MCF2L2: variants seen among roughly 807,000 people sequenced by gnomAD.
The protein encoded by MCF2L2 is probable guanine nucleotide exchange factor MCF2L2.
In MCF2L2, 102 loss-of-function variants were observed where a neutral mutation model predicts 150.2. That is an observed-to-expected ratio of 0.68 (90% CI 0.58 to 0.80). MCF2L2 has a LOEUF of 0.80. Among genes scored for constraint, MCF2L2 ranks in the 30% least tolerant of loss-of-function variants. The probability of loss-of-function intolerance (pLI) is 0.00; values close to 1 mark genes in which losing one functional copy is unlikely to be tolerated. For synonymous variants in MCF2L2, 465 were observed against 491.3 expected, an observed-to-expected ratio of 0.95 and a Z score of 0.71; for missense variants, 1,256 against 1,372.8, an observed-to-expected ratio of 0.91 and a Z score of 1.34.
intron 15 of MCF2L2, chr3:183,271,610 C>G (rs1233584837): frequency 6.0e-6 from 1 of 166,862 alleles, no homozygotes; most frequent in African/African-American, 2.4e-5. Flanking sequence ...TGCCCTAATA[C>G]TTTATATGTT....
intron 1 of MCF2L2, among the ~76,000 whole-genome samples, chr3:183,415,954 T>C (rs1715565725): frequency 6.6e-6 from 1 of 152,150 alleles, no homozygotes; most frequent in Non-Finnish European, 1.5e-5. Context: ...TTTCATTTAC[T>C]GCTTTCTTTT....
rs201936033 is a variant in MCF2L2, at chr3:183,206,085, G to A, written c.2805+37C>T. Reference sequence around the variant, plus strand: ...AAGTCATGGGAACACAATAAGGAAAGAGTAGAGGAGACCCATGGGGAAGGC... The same window carrying A: ...AAGTCATGGGAACACAATAAGGAAAAAGTAGAGGAGACCCATGGGGAAGGC... On this transcript the variant is annotated intron_variant, in intron 24 of 29. Transcript: ENST00000328913. 245 of 1,583,910 alleles carry A rather than the reference G, an allele frequency of 1.5e-4. 1 individual carries two copies. The African/African-American group carries it at 2.9e-3, about 19-fold the overall frequency.
chr3:183,293,637 C>T (rs1728294226), intron 13 of MCF2L2, among the ~76,000 whole-genome samples: 1 of 152,128 alleles, frequency 6.6e-6, no homozygotes. Flanking sequence ...AAAGATGAAA[C>T]TTGAACTCTT....
chr3:183,264,351 G>A (rs924611058), intron 15 of MCF2L2, among the ~76,000 whole-genome samples: 1 of 152,176 alleles, frequency 6.6e-6, no homozygotes, highest in East Asian at 1.9e-4. Flanking sequence ...TAGTCCCAGA[G>A]ACTTCCCTCT....
Position 183,199,611 on chromosome 3 carries a change from T to A in MCF2L2, c.2885-4356A>T, listed in dbSNP as rs188410933. ...AAAATTTATTTTCAGAATATCGAAA[T>A]TTTTTTTTCCTTTTTTTTTTTTTTA... On this transcript the variant is annotated intron_variant, in intron 25 of 29. Transcript: ENST00000328913. Among the ~76,000 whole-genome samples, 209 of 149,990 alleles carry A rather than the reference T, an allele frequency of 1.4e-3. 1 individual carries two copies. The highest frequency in any genetic ancestry group is 5.1e-3 in the African/African-American group (204 of 39,858).
rs73060067 is a variant in MCF2L2, at chr3:183,192,540, C to T, written c.3016+459G>A. Reference sequence around the variant, plus strand: ...GATGGCTATAAGTGACTAAGGCTGGCGGGGTGGGGAGCACAGACAGCAGGG... The same window carrying T: ...GATGGCTATAAGTGACTAAGGCTGGTGGGGTGGGGAGCACAGACAGCAGGG... On this transcript the variant is annotated intron_variant, in intron 27 of 29. Coordinates refer to ENST00000328913, the MANE Select transcript of MCF2L2 (RefSeq NM_015078.4). 793 of 154,156 alleles carry T rather than the reference C, an allele frequency of 5.1e-3. 8 individuals carry two copies. Among genetic ancestry groups the T allele is most frequent in the African/African-American group, 0.018 (749 of 41,610 alleles). The allele number at this position is 154,156 out of a possible 1,614,324, so 9.5% of individuals were successfully genotyped here. A position where few individuals can be genotyped will look rare whatever the true frequency, so the allele number is the denominator to read the frequency against.
chr3:183,184,418 T>C (rs1721627833), intron 27 of MCF2L2, among the ~76,000 whole-genome samples: 1 of 152,172 alleles, frequency 6.6e-6, no homozygotes, highest in Non-Finnish European at 1.5e-5. Flanking sequence ...AGATACACCC[T>C]GAGTCTCTGG....
Position 183,178,202 on chromosome 3 carries a change from C to CA in MCF2L2, c.*1177dup, listed in dbSNP as rs1404507387. ...TAAATTCCGGCTGGGCGCGGTGGCT[C>CA]ACGCCTGTAATCCCAGCACTTTGGG... On this transcript the variant is annotated 3_prime_UTR_variant, in exon 30 of 30. Coordinates refer to ENST00000328913, the MANE Select transcript of MCF2L2 (RefSeq NM_015078.4). 6.6e-6 allele frequency: 1 copy of CA among 152,242 alleles called. No homozygotes were observed. Among genetic ancestry groups the CA allele is most frequent in the Non-Finnish European group, 1.5e-5 (1 of 68,058 alleles). The allele number at this position is 152,242 out of a possible 1,614,324, so 9.4% of individuals were successfully genotyped here. A position where few individuals can be genotyped will look rare whatever the true frequency, so the allele number is the denominator to read the frequency against.
intron 5 of MCF2L2, among the ~76,000 whole-genome samples, chr3:183,335,136 G>T (rs1282354172): frequency 6.8e-6 from 1 of 147,514 alleles, no homozygotes; most frequent in Non-Finnish European, 1.5e-5. Flanking sequence ...AAAAGAAAAA[G>T]AAAAAAGACA....
Position 183,329,958 on chromosome 3 carries a change from G to A in MCF2L2, c.487-6607C>T, listed in dbSNP as rs1174424404. Among the ~76,000 whole-genome samples the A allele has an allele frequency of 4.6e-5, 7 of 152,072 alleles. 1 individual carries two copies. Among genetic ancestry groups the A allele is most frequent in the African/African-American group, 9.7e-5 (4 of 41,404 alleles). ...CACATCTAAACACAGAAAAGGGGCC[G>A]GGGCAGTGGCTCACATATGTAATCC... On this transcript the variant is annotated intron_variant, in intron 5 of 29. Transcript: ENST00000328913.
At chr3:183,330,694 TTTC>T (rs1730237528) in intron 5 of MCF2L2, among the ~76,000 whole-genome samples, 1 of 152,222 alleles carries the variant, frequency 6.6e-6, no homozygotes, top group Admixed American at 6.5e-5. Context: ...CCACATTTTT[TTTC>T]TTCTTTTAAT....
In MCF2L2 at chr3:183,202,880, T is replaced by C. The variant is rs190666404; in HGVS notation, c.2884+2996A>G. Among the ~76,000 whole-genome samples, 26 of 152,194 alleles carry C rather than the reference T, an allele frequency of 1.7e-4. No individual in the cohort carries two copies. In the East Asian group the frequency reaches 5.0e-3, roughly 29 times the overall value. On this transcript the variant is annotated intron_variant, in intron 25 of 29. Coordinates refer to ENST00000328913, the MANE Select transcript of MCF2L2 (RefSeq NM_015078.4). Reference sequence around the variant, plus strand: ...CATGTAAAGAAATAAGAAAATGCAGTCCATACCCAGGGAAAAAGAAAAACC... The same window carrying C: ...CATGTAAAGAAATAAGAAAATGCAGCCCATACCCAGGGAAAAAGAAAAACC...
chr3:183,211,390 C>T (rs1722717069), intron 22 of MCF2L2, among the ~76,000 whole-genome samples: 1 of 152,192 alleles, frequency 6.6e-6, no homozygotes, highest in Non-Finnish European at 1.5e-5. Flanking sequence ...TCAAGTCTGG[C>T]AGAAACATAT....
intron 14 of MCF2L2, among the ~76,000 whole-genome samples, chr3:183,282,748 T>C (rs1210315721): frequency 1.3e-5 from 2 of 152,152 alleles, no homozygotes; most frequent in Non-Finnish European, 2.9e-5. Flanking sequence ...ATAAATAAAA[T>C]CACAAATCAG....
At chr3:183,229,825 C>G in intron 16 of MCF2L2, 44 bp from the exon 17 acceptor site, 1 of 817,618 alleles carries the variant, frequency 1.2e-6, no homozygotes, top group Non-Finnish European at 2.0e-6. Flanking sequence ...CAGGAACATA[C>G]CAGAGATCAT....
At chr3:183,273,490 T>C (rs1340082424) in intron 15 of MCF2L2, 2 of 152,852 alleles carry the variant, frequency 1.3e-5, no homozygotes, top group Non-Finnish European at 2.9e-5. Context: ...AGGATTATCA[T>C]GTTCTCTGCA....
Position 183,290,935 on chromosome 3 carries a change from TC to T in MCF2L2, c.1676-1716del, listed in dbSNP as rs372938405. Among the ~76,000 whole-genome samples the T allele has an allele frequency of 3.2e-3, 484 of 152,328 alleles. 5 individuals are homozygous for T. The highest frequency in any genetic ancestry group is 0.011 in the African/African-American group (464 of 41,568). On this transcript the variant is annotated intron_variant, in intron 13 of 29. Transcript: ENST00000328913. ...TGGTAGACTTGATGGAGGTTGACCA[TC>T]TGATCTCCAGAGGCCCCTTCCAACC...
chr3:183,336,595 C>T (rs1215317626), intron 5 of MCF2L2, among the ~76,000 whole-genome samples: 1 of 151,956 alleles, frequency 6.6e-6, no homozygotes, highest in Non-Finnish European at 1.5e-5. Flanking sequence ...CACTTGTAAT[C>T]CCAGCACTTT....
At chr3:183,390,939 T>A (rs1245150278) in intron 1 of MCF2L2, among the ~76,000 whole-genome samples, 3 of 152,130 alleles carry the variant, frequency 2.0e-5, no homozygotes, top group Non-Finnish European at 4.4e-5. Context: ...AAAAAATGAA[T>A]GAACTGGTTA....
Sources: allele counts gnomAD v4.1 joint callset (sites outside exome capture counted in the v4.1 genomes callset), GRCh38; gene constraint gnomAD v4.1.1; transcripts MANE v1.5; gene names NCBI Gene and HGNC (gene_info 2026-07-23, HGNC 2026-07-21).